ARHGEF10: variants seen among roughly 807,000 people sequenced by gnomAD.
The protein encoded by ARHGEF10 is Rho guanine nucleotide exchange factor (GEF) 10.
Under a neutral mutation model 147.4 loss-of-function variants are expected in ARHGEF10, and 140 were observed. The ratio of observed to expected loss-of-function variants is 0.95; its 90% CI spans 0.83 to 1.09. The LOEUF (loss-of-function observed/expected upper bound fraction) is 1.09. Ranked by LOEUF, ARHGEF10 falls within the 50% of genes least tolerant of loss-of-function variation. The probability of loss-of-function intolerance (pLI) is 0.00; values close to 1 mark genes in which losing one functional copy is unlikely to be tolerated. For synonymous variants in ARHGEF10, 902 were observed against 695.8 expected (o/e 1.30, Z -4.67); for missense variants, 2,222 against 1,752.7 (o/e 1.27, Z -4.78).
At position 1,866,308 on chromosome 8, in the gene ARHGEF10, A is replaced by G. The variant is rs74762279; in HGVS notation, c.546-218A>G. On this transcript the variant is annotated intron_variant, in intron 5 of 28. Coordinates refer to ENST00000349830, the MANE Select transcript of ARHGEF10 (RefSeq NM_014629.4). ...GTTCTGTGCCGTGCGTAGGCCAAAC[A>G]TCTGGAATACTTATTTACAGAGTTA... 5.8e-3 allele frequency among the ~76,000 whole-genome samples: 880 copies of G among 152,332 alleles called. 61 individuals are homozygous for G. In the East Asian group the frequency reaches 0.14, roughly 25 times the overall value.
At chr8:1,953,550 C>T (rs1411378325) in intron 28 of ARHGEF10, among the ~76,000 whole-genome samples, 1 of 152,236 alleles carries the variant, frequency 6.6e-6, no homozygotes, top group African/African-American at 2.4e-5. Flanking sequence ...ATCAGGATTC[C>T]CAATCCAGGG....
intron 1 of ARHGEF10, among the ~76,000 whole-genome samples, chr8:1,830,015 G>C (rs1802992508): frequency 1.3e-5 from 2 of 152,214 alleles, no homozygotes; most frequent in African/African-American, 4.8e-5. Context: ...CCAGTGTGCA[G>C]GCTCCGAAGT....
At position 1,893,599 on chromosome 8, in the gene ARHGEF10, G is replaced by A; in HGVS notation, c.1213G>A (p.Val405Ile). The A allele has an allele frequency of 6.2e-7, 1 of 1,613,770 alleles. No homozygotes were observed. The highest frequency in any genetic ancestry group is 8.5e-7 in the Non-Finnish European group (1 of 1,179,810). ...VVRRYILGSVVDSEKNYVDAL... is the reference protein window; with the variant it reads ...VVRRYILGSVIDSEKNYVDAL... ...AAGAAGATATATACTGGGTTCAGTT[G>A]TCGACAGTGAAAAGAACTACGTAGA... The change falls in exon 12 of 29, where the codon GTC (valine) becomes ATC (isoleucine). Residue 405 changes from valine to isoleucine, a missense_variant. Physicochemically the swap from Val to Ile is conservative, Grantham distance 29. Transcript: ENST00000349830.
Position 1,948,674 on chromosome 8 carries a change from A to T in ARHGEF10, c.3397+3019A>T, listed in dbSNP as rs1814784740. On this transcript the variant is annotated intron_variant, in intron 27 of 28. Coordinates refer to ENST00000349830, the MANE Select transcript of ARHGEF10 (RefSeq NM_014629.4). This position sits in a 1 kb window ranked among gnomAD's most constrained non-coding sequence, Gnocchi z 4.9. Reference sequence around the variant, plus strand: ...TGATTTTCATTGCATTTTGTGACTCAGAGGGAATGAGCAGGCCAGAGAGTC... The same window carrying T: ...TGATTTTCATTGCATTTTGTGACTCTGAGGGAATGAGCAGGCCAGAGAGTC... 6.6e-6 allele frequency among the ~76,000 whole-genome samples: 1 copy of T among 152,242 alleles called. No homozygotes were observed. Among genetic ancestry groups the T allele is most frequent in the Non-Finnish European group, 1.5e-5 (1 of 68,048 alleles).
chr8:1,880,462 CT>C (rs1563220982), intron 9 of ARHGEF10, among the ~76,000 whole-genome samples: 1 of 152,194 alleles, frequency 6.6e-6, no homozygotes, highest in Non-Finnish European at 1.5e-5. Context: ...CACAATGCCA[CT>C]TTCTGTTTGT....
rs1378075683 is a variant in ARHGEF10, at chr8:1,897,935, G to T, written c.1558-498G>T. Among the ~76,000 whole-genome samples, 6 of 152,242 alleles carry T rather than the reference G, an allele frequency of 3.9e-5. No homozygotes were observed. In the East Asian group the frequency reaches 7.7e-4, roughly 20 times the overall value. On this transcript the variant is annotated intron_variant, in intron 14 of 28. Coordinates refer to ENST00000349830, the MANE Select transcript of ARHGEF10 (RefSeq NM_014629.4). Reference sequence around the variant, plus strand: ...AGGCACAGCCAGGTCTGTGCTGTCTGCCCTCTCCACTGCACAGCCCCCTCA... The same window carrying T: ...AGGCACAGCCAGGTCTGTGCTGTCTTCCCTCTCCACTGCACAGCCCCCTCA...
intron 5 of ARHGEF10, among the ~76,000 whole-genome samples, chr8:1,865,139 CTTT>C (rs1563198400): frequency 1.3e-5 from 2 of 152,166 alleles, no homozygotes; most frequent in Admixed American, 1.3e-4. Flanking sequence ...TTTTAGGTAA[CTTT>C]TTGTTTTGAT....
Position 1,885,589 on chromosome 8 carries a change from T to C in ARHGEF10, c.1076-12T>C, listed in dbSNP as rs1808586558. 6.8e-7 allele frequency: 1 copy of C among 1,474,082 alleles called. No homozygotes were observed. The highest frequency in any genetic ancestry group is 1.1e-5 in the South Asian group (1 of 87,470). The allele number at this position is 1,474,082 out of a possible 1,614,324, so 91.3% of individuals were successfully genotyped here. ...GAATGTAAAATTCATGCATTTTGAC[T>C]TTTTTTTTAAGATCACAGATCTTCT... On this transcript the variant is annotated splice_polypyrimidine_tract_variant and intron_variant, in intron 10 of 28. Transcript: ENST00000349830.
At chr8:1,887,966 CTG>C (rs1385815356) in intron 11 of ARHGEF10, among the ~76,000 whole-genome samples, 20 of 145,856 alleles carry the variant, frequency 1.4e-4, no homozygotes, top group African/African-American at 3.8e-4. Flanking sequence ...TGATGAGACA[CTG>C]TGAGTGGGGT....
chr8:1,952,967 T>A, intron 28 of ARHGEF10, 140 bp downstream of exon 28: 4 of 1,216,362 alleles, frequency 3.3e-6, no homozygotes, highest in Non-Finnish European at 3.4e-6. Flanking sequence ...TTATAATGAC[T>A]TAATAGACTG....
chr8:1,890,338 G>T (rs569218120), intron 11 of ARHGEF10, among the ~76,000 whole-genome samples: 4 of 150,408 alleles, frequency 2.7e-5, no homozygotes, highest in African/African-American at 7.4e-5. Flanking sequence ...GATACTGAGT[G>T]GGGTGAGAGT....
chr8:1,905,736 A>T lies in ARHGEF10; in HGVS notation c.1967+20A>T. 1.2e-6 allele frequency: 2 copies of T among 1,612,080 alleles called. No individual in the cohort carries two copies. The highest frequency in any genetic ancestry group is 1.7e-6 in the Non-Finnish European group (2 of 1,179,944). On this transcript the variant is annotated intron_variant, in intron 17 of 28. Transcript: ENST00000349830. ...CTCACGGTAAGTGCATAAATTCTCTATAGTAGTCCTACCATCATCACATGT... is the reference window on the plus strand; with the variant it reads ...CTCACGGTAAGTGCATAAATTCTCTTTAGTAGTCCTACCATCATCACATGT...
chr8:1,874,132 A>T (rs1335340344), intron 7 of ARHGEF10, among the ~76,000 whole-genome samples: 1 of 152,258 alleles, frequency 6.6e-6, no homozygotes, highest in African/African-American at 2.4e-5. Context: ...CAGCCCAGGC[A>T]TTCAAGAGGA....
intron 27 of ARHGEF10, among the ~76,000 whole-genome samples, chr8:1,950,590 T>G (rs1236739092): frequency 6.6e-6 from 1 of 152,006 alleles, no homozygotes; most frequent in African/African-American, 2.4e-5. Flanking sequence ...TGGAGTGCAG[T>G]GGTGCGATCT....
At chr8:1,942,728 T>C (rs1400227079) in intron 26 of ARHGEF10, among the ~76,000 whole-genome samples, 1 of 152,214 alleles carries the variant, frequency 6.6e-6, no homozygotes, top group East Asian at 1.9e-4. Context: ...ATGTGGTTCC[T>C]TCATACATGA....
At position 1,843,387 on chromosome 8, in the gene ARHGEF10, C is replaced by A; in HGVS notation, c.-13C>A. On this transcript the variant is annotated 5_prime_UTR_variant, in exon 2 of 29. The change creates a new upstream start codon in the 5' untranslated region. Transcript: ENST00000349830. ...CCCTTAACAGAGCTGAGAGAGGCAT[C>A]TGGAGCTGCAGCATGGACCAGCGAG... The A allele has an allele frequency of 6.2e-7, 1 of 1,613,174 alleles. No individual in the cohort carries two copies. The highest frequency in any genetic ancestry group is 8.5e-7 in the Non-Finnish European group (1 of 1,179,986).
chr8:1,883,610 G>C (rs907091486), intron 10 of ARHGEF10, among the ~76,000 whole-genome samples: 1 of 152,118 alleles, frequency 6.6e-6, no homozygotes, highest in Non-Finnish European at 1.5e-5. Context: ...TGAAGCCCTC[G>C]GCATCTCAGA....
intron 27 of ARHGEF10, among the ~76,000 whole-genome samples, chr8:1,952,279 C>A (rs930811187): frequency 1.3e-5 from 2 of 152,238 alleles, no homozygotes; most frequent in Admixed American, 6.5e-5. Flanking sequence ...CATTAAGAGA[C>A]CTCTCCTCAC....
intron 2 of ARHGEF10, among the ~76,000 whole-genome samples, chr8:1,849,242 G>A (rs1396223290): frequency 5.3e-5 from 8 of 152,072 alleles, no homozygotes; most frequent in East Asian, 1.9e-4. Context: ...GGGCGGCTGC[G>A]GGGACACAGA....
Sources: allele counts gnomAD v4.1 joint callset (sites outside exome capture counted in the v4.1 genomes callset), GRCh38; gene constraint gnomAD v4.1.1; non-coding constraint Gnocchi (gnomAD v3.1); transcripts MANE v1.5; gene names NCBI Gene and HGNC (gene_info 2026-07-23, HGNC 2026-07-21).